The following PTPRG variants were observed in gnomAD, a reference collection of about 807,000 sequenced individuals.
PTPRG encodes the protein protein tyrosine phosphatase receptor type G, also known as receptor-type tyrosine-protein phosphatase gamma.
PTPRG carries 102 observed loss-of-function variants against 165.3 expected under a neutral mutation model. That is an observed-to-expected ratio of 0.62 (90% CI 0.53 to 0.73). PTPRG has a LOEUF of 0.73. PTPRG is among the 30% of genes least tolerant of loss of function. The pLI, the probability that PTPRG is intolerant of heterozygous loss-of-function variation, is 0.00. For synonymous variants in PTPRG, 675 were observed against 669.5 expected, an observed-to-expected ratio of 1.01 and a Z score of -0.13; for missense variants, 1,866 against 1,861.4, an observed-to-expected ratio of 1.00 and a Z score of -0.05.
intron 2 of PTPRG, among the ~76,000 whole-genome samples, chr3:61,817,076 A>G (rs900779280): frequency 7.5e-6 from 1 of 132,846 alleles, no homozygotes; most frequent in Non-Finnish European, 1.6e-5. Context: ...TACATATATT[A>G]TATATAATAT....
intron 1 of PTPRG, among the ~76,000 whole-genome samples, chr3:61,605,645 T>A (rs1700983811): frequency 6.6e-6 from 1 of 152,130 alleles, no homozygotes; most frequent in African/African-American, 2.4e-5. Flanking sequence ...CATAGCTTAC[T>A]GCTGCCTTGA....
intron 1 of PTPRG, among the ~76,000 whole-genome samples, chr3:61,569,445 G>A (rs1700003616): frequency 6.6e-6 from 1 of 152,170 alleles, no homozygotes; most frequent in Non-Finnish European, 1.5e-5. Context: ...ATGGTAAACA[G>A]TAAGTGCTCA....
intron 2 of PTPRG, among the ~76,000 whole-genome samples, chr3:61,790,127 G>C (rs1453841001): frequency 6.6e-6 from 1 of 152,164 alleles, no homozygotes; most frequent in Non-Finnish European, 1.5e-5. Context: ...ACTTAGCCGT[G>C]TCTGTCATGG....
At chr3:62,056,248 C>A (rs1277892569) in intron 4 of PTPRG, among the ~76,000 whole-genome samples, 4 of 152,164 alleles carry the variant, frequency 2.6e-5, no homozygotes, top group African/African-American at 9.7e-5. Context: ...TGTTTGCTGT[C>A]CACTGAGATA....
At chr3:62,209,097 A>C (rs1700298515) in intron 12 of PTPRG, among the ~76,000 whole-genome samples, 1 of 152,254 alleles carries the variant, frequency 6.6e-6, no homozygotes, top group Non-Finnish European at 1.5e-5. Context: ...AATTAAGTGA[A>C]TATTTTAATG....
intron 1 of PTPRG, among the ~76,000 whole-genome samples, chr3:61,630,173 T>C (rs1022943593): frequency 2.6e-5 from 4 of 152,200 alleles, no homozygotes; most frequent in South Asian, 2.1e-4. Flanking sequence ...AATAAAATGA[T>C]GGGGTGAGAA....
intron 1 of PTPRG, among the ~76,000 whole-genome samples, chr3:61,583,897 G>A (rs1270377669): frequency 6.6e-6 from 1 of 152,136 alleles, no homozygotes; most frequent in East Asian, 1.9e-4. Flanking sequence ...ACCAAGGGTT[G>A]ATTTGGGTCA....
intron 2 of PTPRG, among the ~76,000 whole-genome samples, chr3:61,946,854 C>G (rs561019294): frequency 6.6e-6 from 1 of 152,258 alleles, no homozygotes; most frequent in East Asian, 1.9e-4. Flanking sequence ...ACGGTATCTT[C>G]CCTCTTCTAG....
intron 2 of PTPRG, among the ~76,000 whole-genome samples, chr3:61,851,499 C>T (rs1252058505): frequency 2.0e-5 from 3 of 151,900 alleles, no homozygotes; most frequent in African/African-American, 7.2e-5. Context: ...CAATATATCT[C>T]ATGGCGTGCT....
chr3:62,170,309 A>G (rs2106741680), intron 8 of PTPRG, among the ~76,000 whole-genome samples: 1 of 152,296 alleles, frequency 6.6e-6, no homozygotes, highest in Non-Finnish European at 1.5e-5. Flanking sequence ...AAGTTGACTG[A>G]GAAAATCAGG....
chr3:61,669,106 G>A (rs1282640563), intron 1 of PTPRG, among the ~76,000 whole-genome samples: 1 of 152,158 alleles, frequency 6.6e-6, no homozygotes, highest in African/African-American at 2.4e-5. Context: ...CTTGAGTGAA[G>A]GATGCTGAGC....
intron 5 of PTPRG, among the ~76,000 whole-genome samples, chr3:62,120,071 T>C (rs1363471095): frequency 1.3e-5 from 2 of 152,184 alleles, no homozygotes; most frequent in Non-Finnish European, 2.9e-5. Flanking sequence ...TTGTCATTGT[T>C]GTAGTCTACT....
At chr3:62,199,761 A>G (rs1182730761) in intron 10 of PTPRG, among the ~76,000 whole-genome samples, 1 of 152,168 alleles carries the variant, frequency 6.6e-6, no homozygotes, top group Admixed American at 6.5e-5. Context: ...TTGTTTTTTG[A>G]AAGAACCACA....
At position 61,597,916 on chromosome 3, in the gene PTPRG, C is replaced by T. The variant is rs148148535; in HGVS notation, c.85+35544C>T. ...GTATAAAACAAAGCTAAACATTATT[C>T]TAGCATGAAAAATCCACTTAAAGGG... On this transcript the variant is annotated intron_variant, in intron 1 of 29. Transcript: ENST00000474889. 2.2e-3 allele frequency among the ~76,000 whole-genome samples: 335 copies of T among 152,252 alleles called. 1 individual carries two copies. The highest frequency in any genetic ancestry group is 6.4e-3 in the African/African-American group (265 of 41,550).
rs763853413 is a variant in PTPRG, at chr3:62,203,301, C to T, written c.1506C>T (p.Gly502=). 14 of 1,613,912 alleles carry T rather than the reference C, an allele frequency of 8.7e-6. No individual in the cohort carries two copies. The African/African-American group carries it at 1.9e-4, about 22-fold the overall frequency. ...MATGMGPSSS[G]SQATVASVVT... ...CTGGGATGGGCCCCTCCTCCAGTGG[C>T]AGCCAGGCCACAGTGGCCTCGGTGG... is the stretch of plus-strand genomic sequence containing the variant. Residue 502 remains glycine, a synonymous_variant, in exon 12 of 30, where the codon GGC becomes GGT. Transcript: ENST00000474889. This position sits in a 1 kb window ranked among gnomAD's most constrained non-coding sequence, Gnocchi z 6.4.
chr3:62,184,392 C>T (rs1302178458), intron 8 of PTPRG, among the ~76,000 whole-genome samples: 1 of 152,174 alleles, frequency 6.6e-6, no homozygotes, highest in Non-Finnish European at 1.5e-5. Context: ...GTTTGAAGTC[C>T]TACGCGGGCT....
intron 1 of PTPRG, among the ~76,000 whole-genome samples, chr3:61,702,670 T>G (rs2031034681): frequency 6.6e-6 from 1 of 152,204 alleles, no homozygotes; most frequent in South Asian, 2.1e-4. Context: ...GGCACATCTG[T>G]CATTTTTCCC....
chr3:61,740,402 T>C (rs2032929822), intron 1 of PTPRG, among the ~76,000 whole-genome samples: 1 of 152,234 alleles, frequency 6.6e-6, no homozygotes, highest in South Asian at 2.1e-4. Context: ...ATGAGCTCCA[T>C]TATAAATCAG....
At chr3:62,161,581 T>C (rs1023096475) in intron 7 of PTPRG, among the ~76,000 whole-genome samples, 1 of 151,978 alleles carries the variant, frequency 6.6e-6, no homozygotes, top group Admixed American at 6.6e-5. Context: ...TGAAGGAGGT[T>C]TTTTAATGAT....
Sources: gnomAD v4.1 joint callset for allele counts (sites outside exome capture counted in the v4.1 genomes callset) on GRCh38, gnomAD v4.1.1 for gene constraint, Gnocchi (gnomAD v3.1) non-coding constraint, MANE v1.5 for transcripts, NCBI Gene and HGNC (gene_info 2026-07-23, HGNC 2026-07-21) for gene names.